Variants in MEGF11 observed in about 807,000 individuals in gnomAD.
MEGF11 encodes multiple EGF like domains 11.
A neutral mutation model predicts 146.6 loss-of-function variants in MEGF11; 126 were observed. The observed-to-expected ratio is 0.86, with a 90% CI of 0.74 to 1.00. MEGF11 has a LOEUF of 1.00. MEGF11 is among the 50% of genes least tolerant of loss of function. MEGF11 has a pLI of 0.00. For synonymous variants in MEGF11, 532 were observed against 583.4 expected, an observed-to-expected ratio of 0.91 and a Z score of 1.27; for missense variants, 1,509 against 1,521.2, an observed-to-expected ratio of 0.99 and a Z score of 0.13.
chr15:66,064,569 G>A (rs533577343), intron 5 of MEGF11, among the ~76,000 whole-genome samples: 6 of 152,034 alleles, frequency 3.9e-5, no homozygotes, highest in Non-Finnish European at 7.4e-5. Flanking sequence ...CCAGGCTGGA[G>A]TGCAATGGTG....
intron 15 of MEGF11, among the ~76,000 whole-genome samples, chr15:65,919,093 T>A (rs2141238476): frequency 6.6e-6 from 1 of 152,332 alleles, no homozygotes; most frequent in Non-Finnish European, 1.5e-5. Context: ...AACCCTCTGC[T>A]TTATACCACA....
At chr15:65,899,441 TAA>T (rs2078437436) in intron 24 of MEGF11, among the ~76,000 whole-genome samples, 1 of 152,200 alleles carries the variant, frequency 6.6e-6, no homozygotes, top group Non-Finnish European at 1.5e-5. Context: ...CTCCTGGGCT[TAA>T]GTGATTCTCC....
chr15:66,192,727 G>A (rs977399844), intron 1 of MEGF11, among the ~76,000 whole-genome samples: 7 of 152,142 alleles, frequency 4.6e-5, no homozygotes, highest in African/African-American at 1.7e-4. Context: ...AAGGCAGGAA[G>A]AGCAACATTA....
chr15:66,048,153 C>T (rs2084295321), intron 5 of MEGF11, among the ~76,000 whole-genome samples: 3 of 152,176 alleles, frequency 2.0e-5, no homozygotes, highest in South Asian at 4.1e-4. Context: ...ACCATGTTGG[C>T]CAGGCTGCTC....
chr15:66,191,038 C>T (rs1230788875), intron 1 of MEGF11, among the ~76,000 whole-genome samples: 1 of 152,094 alleles, frequency 6.6e-6, no homozygotes, highest in East Asian at 1.9e-4. Context: ...GAGGACACAG[C>T]CCGGCTGGAC....
chr15:66,033,666 C>T (rs2083615666), intron 5 of MEGF11, among the ~76,000 whole-genome samples: 2 of 152,280 alleles, frequency 1.3e-5, no homozygotes, highest in Admixed American at 1.3e-4. Flanking sequence ...TGTCTGAGGC[C>T]TTGGGGGCCC....
intron 1 of MEGF11, among the ~76,000 whole-genome samples, chr15:66,157,026 A>G (rs11632456): frequency 0.25 from 38,594 of 152,004 alleles, 5,157 homozygotes; most frequent in African/African-American, 0.33. Flanking sequence ...CCCGGACTCA[A>G]CCAGACCACC....
intron 10 of MEGF11, among the ~76,000 whole-genome samples, chr15:65,956,102 A>G (rs2080624292): frequency 6.6e-6 from 1 of 152,144 alleles, no homozygotes; most frequent in African/African-American, 2.4e-5. Flanking sequence ...GGCCTCAGCC[A>G]GACCATGCCT....
intron 5 of MEGF11, among the ~76,000 whole-genome samples, chr15:66,083,782 C>T (rs956823555): frequency 5.3e-5 from 8 of 152,048 alleles, no homozygotes; most frequent in East Asian, 1.9e-4. Flanking sequence ...CCCAGCATGG[C>T]GACACATGCC....
intron 1 of MEGF11, among the ~76,000 whole-genome samples, chr15:66,226,511 G>T (rs773506440): frequency 6.6e-6 from 1 of 152,052 alleles, no homozygotes; most frequent in African/African-American, 2.4e-5. Flanking sequence ...GCCTCCCAAA[G>T]TGCTGGGATT....
intron 5 of MEGF11, among the ~76,000 whole-genome samples, chr15:66,081,991 C>T (rs541443313): frequency 2.6e-5 from 4 of 152,262 alleles, no homozygotes; most frequent in Admixed American, 6.5e-5. Context: ...GGCAGGCCCT[C>T]GCCAGAAATA....
At chr15:65,989,207 G>A (rs1567192149) in intron 5 of MEGF11, among the ~76,000 whole-genome samples, 1 of 152,262 alleles carries the variant, frequency 6.6e-6, no homozygotes, top group African/African-American at 2.4e-5. Context: ...AGGTGGGGTG[G>A]GAGAGAAGGT....
rs767355065 is a variant in MEGF11 at position 65,939,533 on chromosome 15, C to T, written c.1288-8590G>A. On this transcript the variant is annotated intron_variant, in intron 10 of 25. Coordinates refer to ENST00000395614, the MANE Select transcript of MEGF11 (RefSeq NM_001385028.1). ...TTTTGGAGACAGAGTCTCGCTCTGT[C>T]GCCCAGGCTGGAGTGCAATGTTGCA... 1.2e-3 allele frequency among the ~76,000 whole-genome samples: 181 copies of T among 146,554 alleles called. 2 individuals are homozygous for T. The highest frequency in any genetic ancestry group is 3.6e-3 in the Middle Eastern group (1 of 280).
chr15:65,992,654 C>T (rs926717559), intron 5 of MEGF11, among the ~76,000 whole-genome samples: 12 of 141,276 alleles, frequency 8.5e-5, no homozygotes, highest in Admixed American at 3.5e-4. Flanking sequence ...GGGACTTTAT[C>T]GGGGACTTTT....
chr15:66,139,945 G>A (rs1160906618), intron 1 of MEGF11, among the ~76,000 whole-genome samples: 1 of 152,194 alleles, frequency 6.6e-6, no homozygotes, highest in Non-Finnish European at 1.5e-5. Flanking sequence ...AAGAGAAAAT[G>A]TAGCCAAACC....
chr15:65,981,630 C>T (rs2081641457), intron 6 of MEGF11, among the ~76,000 whole-genome samples: 2 of 152,148 alleles, frequency 1.3e-5, no homozygotes, highest in Non-Finnish European at 2.9e-5. Flanking sequence ...GGGAGGAGAA[C>T]TTCAATCTTG....
chr15:66,251,922 G>A (rs552437159), intron 1 of MEGF11, among the ~76,000 whole-genome samples: 2 of 152,348 alleles, frequency 1.3e-5, no homozygotes, highest in East Asian at 3.9e-4. Context: ...TCCGCCGGAG[G>A]AGCAGAGGAT....
chr15:65,968,178 G>A (rs2081177722), intron 8 of MEGF11, among the ~76,000 whole-genome samples: 1 of 152,096 alleles, frequency 6.6e-6, no homozygotes, highest in South Asian at 2.1e-4. Context: ...GACAGAAGGA[G>A]GAGAAGTAGA....
intron 4 of MEGF11, among the ~76,000 whole-genome samples, chr15:66,101,343 G>A (rs193300308): frequency 9.2e-5 from 14 of 152,200 alleles, no homozygotes; most frequent in African/African-American, 3.1e-4. Context: ...TCCCCACACT[G>A]GGCCTTCAAA....
Sources: gnomAD v4.1 joint callset for allele counts (sites outside exome capture counted in the v4.1 genomes callset) on GRCh38, gnomAD v4.1.1 for gene constraint, MANE v1.5 for transcripts, NCBI Gene and HGNC (gene_info 2026-07-23, HGNC 2026-07-21) for gene names.